The following CACNA1A variants were observed in gnomAD, a reference collection of about 807,000 sequenced individuals.
The protein encoded by CACNA1A is voltage-dependent P/Q-type calcium channel subunit alpha-1A.
Under a neutral mutation model 262.4 loss-of-function variants are expected in CACNA1A, and 57 were observed. That is an observed-to-expected ratio of 0.22 (90% CI 0.18 to 0.27). The LOEUF is 0.27. CACNA1A is among the 10% of genes least tolerant of loss of function. The pLI, the probability that CACNA1A is intolerant of heterozygous loss-of-function variation, is 1.00. For missense variants in CACNA1A, 2,526 were observed against 3,562.8 expected (o/e 0.71, Z 7.41); for synonymous variants, 1,431 against 1,419.3 (o/e 1.01, Z -0.18).
In CACNA1A at chr19:13,373,530, G is replaced by T. The variant is rs532382394; in HGVS notation, c.540-1751C>A. 7.2e-5 allele frequency among the ~76,000 whole-genome samples: 11 copies of T among 152,282 alleles called. 1 individual carries two copies. Among genetic ancestry groups the T allele is most frequent in the African/African-American group, 2.4e-4 (10 of 41,558 alleles). On this transcript the variant is annotated intron_variant, in intron 3 of 46. Transcript: ENST00000360228. ...ACCCTTCATTCTGGATCACTTAAGA[G>T]GTGAGTTCCACGTGGGCTCCCAGTA...
Position 13,227,411 on chromosome 19 carries a change from G to T in CACNA1A, c.5625+20C>A, listed in dbSNP as rs2055498082. 3 of 1,404,286 alleles carry T rather than the reference G, an allele frequency of 2.1e-6. No individual in the cohort carries two copies. The highest frequency in any genetic ancestry group is 2.9e-6 in the Non-Finnish European group (3 of 1,017,228). 87.0% of individuals were successfully genotyped at this position (1,404,286 alleles called of 1,614,324 possible). On this transcript the variant is annotated intron_variant, in intron 37 of 46. Coordinates refer to ENST00000360228, the MANE Select transcript of CACNA1A (RefSeq NM_001127222.2). The stretch of plus-strand genomic sequence containing the variant: ...AAAAACCCAGTGCCTGGACGTCGGT[G>T]GTCGGCAAGGGTAGTCTACCTTGTA...
At chr19:13,369,150 T>C (rs1439798115) in intron 4 of CACNA1A, among the ~76,000 whole-genome samples, 1 of 152,106 alleles carries the variant, frequency 6.6e-6, no homozygotes, top group Admixed American at 6.6e-5. Context: ...ATTTTCTTTC[T>C]GGTGTACCCG....
At chr19:13,417,298 C>T (rs181057030) in intron 3 of CACNA1A, among the ~76,000 whole-genome samples, 23 of 152,272 alleles carry the variant, frequency 1.5e-4, no homozygotes, top group Admixed American at 1.3e-3. Context: ...GTATGTGGGT[C>T]CCGAGGGGTT....
chr19:13,504,911 A>G (rs1982834251), intron 1 of CACNA1A, among the ~76,000 whole-genome samples: 1 of 152,148 alleles, frequency 6.6e-6, no homozygotes, highest in East Asian at 1.9e-4. Flanking sequence ...GCATTTTGAT[A>G]GCATCTCCAC....
At chr19:13,449,589 G>T (rs1465723579) in intron 3 of CACNA1A, among the ~76,000 whole-genome samples, 1 of 152,170 alleles carries the variant, frequency 6.6e-6, no homozygotes, top group African/African-American at 2.4e-5. Context: ...AGGATTACAG[G>T]TGTGAGCCAC....
rs146095824 is a variant in CACNA1A, at chr19:13,320,237, CGAGAGAGAGA to C, written c.1346-2926_1346-2917del. ...GGGACAGGGGGGATGTTCCACAGAT[CGAGAGAGAGA>C]GAGAGAGAGAGAGAGAGAGAGAGAG... On this transcript the variant is annotated intron_variant, in intron 10 of 46. Transcript: ENST00000360228. Among the ~76,000 whole-genome samples the C allele has an allele frequency of 4.3e-3, 552 of 127,246 alleles. 4 individuals are homozygous for C. Among genetic ancestry groups the C allele is most frequent in the African/African-American group, 0.014 (488 of 34,812 alleles). 83.5% of individuals were successfully genotyped at this position (127,246 alleles called of 152,430 possible).
intron 19 of CACNA1A, 40 bp from the exon 20 acceptor site, chr19:13,287,006 T>G (rs2057417016): frequency 6.8e-7 from 1 of 1,466,900 alleles, no homozygotes; most frequent in South Asian, 1.3e-5. Flanking sequence ...CAACAACTGA[T>G]TTAGGATAAA....
intron 1 of CACNA1A, among the ~76,000 whole-genome samples, chr19:13,495,306 A>T (rs896883204): frequency 1.6e-4 from 25 of 151,884 alleles, no homozygotes; most frequent in African/African-American, 2.4e-4. Flanking sequence ...TTATTTATTT[A>T]TTTATTTTGA....
At chr19:13,310,640 C>T (rs2058016891) in intron 12 of CACNA1A, among the ~76,000 whole-genome samples, 1 of 150,198 alleles carries the variant, frequency 6.7e-6, no homozygotes, top group South Asian at 2.1e-4. Context: ...TGTTGTTGGG[C>T]ATGTGGCTGC....
chr19:13,412,194 G>A (rs1001269309), intron 3 of CACNA1A, among the ~76,000 whole-genome samples: 10 of 151,268 alleles, frequency 6.6e-5, no homozygotes, highest in Admixed American at 6.6e-4. Context: ...TTGTTTCCAC[G>A]CCGCCTCCAG....
At chr19:13,480,856 T>G (rs1432430883) in intron 1 of CACNA1A, among the ~76,000 whole-genome samples, 1 of 152,218 alleles carries the variant, frequency 6.6e-6, no homozygotes, top group East Asian at 1.9e-4. Flanking sequence ...TGCTGGGCAC[T>G]GGGCTAAGCT....
chr19:13,480,519 G>C (rs1353102962), intron 1 of CACNA1A, among the ~76,000 whole-genome samples: 1 of 152,078 alleles, frequency 6.6e-6, no homozygotes, highest in Non-Finnish European at 1.5e-5. Context: ...TAGTAGTTAA[G>C]CTTTGGGGGA....
At chr19:13,237,098 G>A (rs1013110841) in intron 31 of CACNA1A, among the ~76,000 whole-genome samples, 1 of 152,110 alleles carries the variant, frequency 6.6e-6, no homozygotes, top group Admixed American at 6.5e-5. Flanking sequence ...CTGGAAGCAG[G>A]CCACATGATC....
chr19:13,469,494 G>A lies in CACNA1A; in HGVS notation c.294-14282C>T, dbSNP rs540830363. 4.8e-3 allele frequency among the ~76,000 whole-genome samples: 634 copies of A among 132,904 alleles called. 6 individuals carry two copies. Among genetic ancestry groups the A allele is most frequent in the African/African-American group, 0.016 (571 of 34,946 alleles). 87.2% of individuals were successfully genotyped at this position (132,904 alleles called of 152,430 possible). ...TTTTTTTTTTTTTTTTTTTTGAGAC[G>A]GAGTCTCGCCCTGTCGCCCAGGCTG... On this transcript the variant is annotated intron_variant, in intron 1 of 46. Coordinates refer to ENST00000360228, the MANE Select transcript of CACNA1A (RefSeq NM_001127222.2).
intron 3 of CACNA1A, among the ~76,000 whole-genome samples, chr19:13,376,654 C>G (rs1341360463): frequency 6.9e-6 from 1 of 145,674 alleles, no homozygotes; most frequent in Non-Finnish European, 1.5e-5. Context: ...TGATACACTA[C>G]ACATAATATA....
intron 3 of CACNA1A, among the ~76,000 whole-genome samples, chr19:13,390,003 C>T (rs1469035504): frequency 6.7e-6 from 1 of 149,932 alleles, no homozygotes; most frequent in Non-Finnish European, 1.5e-5. Flanking sequence ...TTAGTACGGA[C>T]GCGGTTTTAC....
At chr19:13,372,880 G>A (rs371759058) in intron 3 of CACNA1A, among the ~76,000 whole-genome samples, 2 of 152,320 alleles carry the variant, frequency 1.3e-5, no homozygotes, top group East Asian at 3.9e-4. Flanking sequence ...AAGGATGATA[G>A]CAGTAGGTGG....
chr19:13,445,904 G>T (rs12609229), intron 3 of CACNA1A, among the ~76,000 whole-genome samples: 32,634 of 152,048 alleles, frequency 0.21, 4,418 homozygotes, highest in African/African-American at 0.38. Flanking sequence ...AAACACCGTG[G>T]TGGTCCACAC....
chr19:13,234,101 G>C (rs1002439068), intron 34 of CACNA1A, among the ~76,000 whole-genome samples: 1 of 143,882 alleles, frequency 7.0e-6, no homozygotes, highest in Non-Finnish European at 1.5e-5. Flanking sequence ...TGTAATCCCA[G>C]CACTTTGGGA....
Sources: allele counts gnomAD v4.1 joint callset (sites outside exome capture counted in the v4.1 genomes callset), GRCh38; gene constraint gnomAD v4.1.1; transcripts MANE v1.5; gene names NCBI Gene and HGNC (gene_info 2026-07-23, HGNC 2026-07-21).